The following SGCZ variants were observed in gnomAD, a reference collection of about 807,000 sequenced individuals.
SGCZ encodes zeta-sarcoglycan.
A neutral mutation model predicts 41.3 loss-of-function variants in SGCZ; 40 were observed. The ratio of observed to expected loss-of-function variants is 0.97; its 90% confidence interval spans 0.75 to 1.26. The LOEUF (loss-of-function observed/expected upper bound fraction) is 1.26. Ranked by LOEUF, SGCZ falls within the 50% of genes most tolerant of loss-of-function variation. The probability of loss-of-function intolerance (pLI) is 0.00; values close to 1 mark genes in which losing one functional copy is unlikely to be tolerated. For synonymous variants in SGCZ, 206 were observed against 137.5 expected, an observed-to-expected ratio of 1.50 and a Z score of -3.49; for missense variants, 552 against 369.8, an observed-to-expected ratio of 1.49 and a Z score of -4.04.
intron 1 of SGCZ, among the ~76,000 whole-genome samples, chr8:14,705,543 C>T (rs765642688): frequency 1.3e-5 from 2 of 151,936 alleles, no homozygotes; most frequent in Non-Finnish European, 2.9e-5. Flanking sequence ...CAATTAATCT[C>T]ATCATAGTTT....
At chr8:14,884,138 C>T (rs1173570158) in intron 1 of SGCZ, among the ~76,000 whole-genome samples, 2 of 152,024 alleles carry the variant, frequency 1.3e-5, no homozygotes, top group Non-Finnish European at 2.9e-5. Flanking sequence ...TAATTTGAAG[C>T]ATCAGATTGA....
At chr8:15,205,155 T>C (rs1801020056) in intron 1 of SGCZ, among the ~76,000 whole-genome samples, 1 of 152,046 alleles carries the variant, frequency 6.6e-6, no homozygotes, top group South Asian at 2.1e-4. Flanking sequence ...ATAAAAGCCC[T>C]GGAAAACAAC....
intron 1 of SGCZ, among the ~76,000 whole-genome samples, chr8:14,977,040 C>T (rs1801501023): frequency 6.6e-6 from 1 of 152,178 alleles, no homozygotes; most frequent in Non-Finnish European, 1.5e-5. Flanking sequence ...CTACAAACAC[C>T]AATGTCTTTG....
intron 3 of SGCZ, among the ~76,000 whole-genome samples, chr8:14,282,272 G>T (rs923424777): frequency 6.6e-6 from 1 of 151,834 alleles, no homozygotes; most frequent in African/African-American, 2.4e-5. Context: ...AGAAACATTT[G>T]TTTCTTAGAG....
intron 1 of SGCZ, among the ~76,000 whole-genome samples, chr8:14,829,381 G>C (rs1476748888): frequency 3.3e-5 from 5 of 152,100 alleles, no homozygotes; most frequent in Non-Finnish European, 7.4e-5. Flanking sequence ...TTACAAAAGT[G>C]TCTTGAACTT....
intron 1 of SGCZ, among the ~76,000 whole-genome samples, chr8:15,092,017 G>A (rs897877304): frequency 6.6e-6 from 1 of 152,130 alleles, no homozygotes; most frequent in African/African-American, 2.4e-5. Context: ...GCCTCCCAAA[G>A]TCCTGGAATT....
chr8:15,047,338 G>C (rs1804346966), intron 1 of SGCZ, among the ~76,000 whole-genome samples: 1 of 151,906 alleles, frequency 6.6e-6, no homozygotes. Context: ...AATTCTCCTT[G>C]TGCCTCTTCC....
At chr8:14,401,687 T>C (rs1007481616) in intron 2 of SGCZ, among the ~76,000 whole-genome samples, 1 of 151,810 alleles carries the variant, frequency 6.6e-6, no homozygotes, top group African/African-American at 2.4e-5. Context: ...CAGTCTATCA[T>C]TGTTGGACAT....
At chr8:14,702,916 GTT>G (rs1809208378) in intron 1 of SGCZ, among the ~76,000 whole-genome samples, 5 of 140,902 alleles carry the variant, frequency 3.5e-5, no homozygotes, top group Non-Finnish European at 6.2e-5. Context: ...CAGGTAGGTA[GTT>G]AGGTAGGTAG....
At chr8:15,095,410 T>A (rs1806310519) in intron 1 of SGCZ, among the ~76,000 whole-genome samples, 1 of 152,230 alleles carries the variant, frequency 6.6e-6, no homozygotes, top group African/African-American at 2.4e-5. Flanking sequence ...AGAAAACATT[T>A]TAACTGGATA....
At chr8:15,032,838 A>G (rs924248275) in intron 1 of SGCZ, among the ~76,000 whole-genome samples, 1 of 152,088 alleles carries the variant, frequency 6.6e-6, no homozygotes, top group Non-Finnish European at 1.5e-5. Flanking sequence ...CTTCTAGGCC[A>G]GCCTCTGTGG....
At chr8:14,285,070 G>A (rs532615290) in intron 3 of SGCZ, among the ~76,000 whole-genome samples, 1 of 151,954 alleles carries the variant, frequency 6.6e-6, no homozygotes, top group African/African-American at 2.4e-5. Flanking sequence ...TTCTTTTAAG[G>A]GTTGATTTTT....
At chr8:14,721,718 T>C (rs1809892348) in intron 1 of SGCZ, among the ~76,000 whole-genome samples, 1 of 152,224 alleles carries the variant, frequency 6.6e-6, no homozygotes, top group Non-Finnish European at 1.5e-5. Flanking sequence ...CACAGTAATG[T>C]CATAACTCAC....
At chr8:14,538,710 T>C (rs1803369710) in intron 2 of SGCZ, among the ~76,000 whole-genome samples, 1 of 151,882 alleles carries the variant, frequency 6.6e-6, no homozygotes, top group Non-Finnish European at 1.5e-5. Context: ...ATCTTGGCTA[T>C]TGAGTGGTGT....
At chr8:14,193,362 T>C (rs1297867086) in intron 4 of SGCZ, among the ~76,000 whole-genome samples, 1 of 151,784 alleles carries the variant, frequency 6.6e-6, no homozygotes, top group African/African-American at 2.4e-5. Flanking sequence ...TTGACCATTG[T>C]TTTTCATGTA....
intron 1 of SGCZ, among the ~76,000 whole-genome samples, chr8:14,561,302 C>T (rs1804201072): frequency 6.6e-6 from 1 of 152,022 alleles, no homozygotes; most frequent in South Asian, 2.1e-4. Flanking sequence ...TTACTAACTG[C>T]CTATTGTCAT....
chr8:14,235,791 T>G (rs1806736443), intron 4 of SGCZ, among the ~76,000 whole-genome samples: 1 of 152,138 alleles, frequency 6.6e-6, no homozygotes, highest in African/African-American at 2.4e-5. Context: ...TTCGAGTGAT[T>G]CTCCAGCCTC....
chr8:14,411,559 A>G (rs1799361009), intron 2 of SGCZ, among the ~76,000 whole-genome samples: 1 of 152,112 alleles, frequency 6.6e-6, no homozygotes, highest in South Asian at 2.1e-4. Context: ...ATAGAGAAAT[A>G]TATACTTCCA....
chr8:14,641,126 A>C (rs2117428461), intron 1 of SGCZ, among the ~76,000 whole-genome samples: 1 of 151,642 alleles, frequency 6.6e-6, no homozygotes, highest in East Asian at 2.0e-4. Context: ...GTAGGGATAC[A>C]AAGATCCTTC....
Sources: allele counts gnomAD v4.1 joint callset (sites outside exome capture counted in the v4.1 genomes callset), GRCh38; gene constraint gnomAD v4.1.1; transcripts MANE v1.5; gene names NCBI Gene and HGNC (gene_info 2026-07-23, HGNC 2026-07-21).